Variants in CSMD1 observed in about 807,000 individuals in gnomAD.
The protein encoded by CSMD1 is CUB and sushi domain-containing protein 1.
Under a neutral mutation model 417.5 loss-of-function variants are expected in CSMD1, and 213 were observed. That is an observed-to-expected ratio of 0.51 (90% CI 0.46 to 0.57). The LOEUF is 0.57. CSMD1 is among the 20% of genes least tolerant of loss of function. The probability of loss-of-function intolerance (pLI) is 0.00; values close to 1 mark genes in which losing one functional copy is unlikely to be tolerated. For missense variants in CSMD1, 6,923 were observed against 4,529.7 expected (o/e 1.53, Z -15.17); for synonymous variants, 2,862 against 1,736.8 (o/e 1.65, Z -16.11).
chr8:4,443,508 T>G (rs1259886413), intron 2 of CSMD1, among the ~76,000 whole-genome samples: 2 of 152,194 alleles, frequency 1.3e-5, no homozygotes, highest in Non-Finnish European at 2.9e-5. Context: ...CCACATATAT[T>G]AACACCAGAA....
At chr8:3,695,900 ATCTT>A (rs1441837129) in intron 7 of CSMD1, among the ~76,000 whole-genome samples, 1 of 152,228 alleles carries the variant, frequency 6.6e-6, no homozygotes, top group East Asian at 1.9e-4. Context: ...CTCATTTGAT[ATCTT>A]TCTAATTATT....
chr8:4,765,620 T>C (rs1015378973), intron 1 of CSMD1, among the ~76,000 whole-genome samples: 9 of 152,220 alleles, frequency 5.9e-5, no homozygotes, highest in African/African-American at 1.7e-4. Flanking sequence ...AAAAATTGGA[T>C]GCAAGGCAGA....
chr8:4,387,670 AT>A, intron 3 of CSMD1, among the ~76,000 whole-genome samples: 1 of 152,022 alleles, frequency 6.6e-6, no homozygotes, highest in African/African-American at 2.4e-5. Flanking sequence ...AACTACATCA[AT>A]TAAGGGCTTT....
At chr8:3,881,912 G>C (rs1357487) in intron 5 of CSMD1, among the ~76,000 whole-genome samples, 2,591 of 152,190 alleles carry the variant, frequency 0.017, 66 homozygotes, top group African/African-American at 0.058. Flanking sequence ...TACAGAAAAA[G>C]TTACCTGGAT....
intron 3 of CSMD1, among the ~76,000 whole-genome samples, chr8:4,175,191 A>T (rs184552410): frequency 6.6e-6 from 1 of 152,254 alleles, no homozygotes; most frequent in East Asian, 1.9e-4. Context: ...ATTACTTCTT[A>T]CTGGGGAAAA....
At chr8:4,596,561 A>G (rs1327726287) in intron 2 of CSMD1, among the ~76,000 whole-genome samples, 1 of 152,250 alleles carries the variant, frequency 6.6e-6, no homozygotes, top group East Asian at 1.9e-4. Context: ...CTAAAAAAAA[A>G]ATAATTAATA....
At chr8:3,385,974 A>G (rs73657833) in intron 18 of CSMD1, among the ~76,000 whole-genome samples, 57 of 152,310 alleles carry the variant, frequency 3.7e-4, no homozygotes, top group African/African-American at 1.3e-3. Flanking sequence ...AAGAGGAATT[A>G]AGAATGTACA....
intron 25 of CSMD1, among the ~76,000 whole-genome samples, chr8:3,293,141 G>C (rs1323494662): frequency 9.1e-6 from 1 of 109,298 alleles, no homozygotes; most frequent in Non-Finnish European, 2.4e-5. Context: ...TTTTAAGAAT[G>C]TTGAATATTG....
Position 4,143,261 on chromosome 8 carries a change from T to C in CSMD1, c.416-111162A>G, listed in dbSNP as rs904627042. On this transcript the variant is annotated intron_variant, in intron 3 of 69. Coordinates refer to ENST00000635120, the MANE Select transcript of CSMD1 (RefSeq NM_033225.6). ...TAGGGTTAGCACTATCTTTTTCCAT[T>C]TGTCCTCAAAGAAATTTCTCCTTCA... Among the ~76,000 whole-genome samples the C allele has an allele frequency of 4.0e-5, 6 of 151,136 alleles. No individual in the cohort carries two copies. The East Asian group carries it at 9.6e-4, about 24-fold the overall frequency.
At chr8:4,524,107 A>G (rs932261797) in intron 2 of CSMD1, among the ~76,000 whole-genome samples, 4 of 151,334 alleles carry the variant, frequency 2.6e-5, no homozygotes, top group Non-Finnish European at 5.9e-5. Flanking sequence ...CCAAGAAAAA[A>G]CTCCCCAGGC....
intron 7 of CSMD1, among the ~76,000 whole-genome samples, chr8:3,628,807 C>T (rs187394651): frequency 1.3e-5 from 2 of 152,116 alleles, no homozygotes; most frequent in African/African-American, 2.4e-5. Context: ...GCACACGTGT[C>T]CGAGCCAAGA....
intron 3 of CSMD1, among the ~76,000 whole-genome samples, chr8:4,257,681 C>G (rs1488974501): frequency 6.6e-6 from 1 of 152,158 alleles, no homozygotes; most frequent in Non-Finnish European, 1.5e-5. Context: ...GTGCAGCAGT[C>G]TTAGGTATGG....
chr8:2,974,463 G>C lies in CSMD1; in HGVS notation c.8728C>G (p.Pro2910Ala). 6.2e-7 allele frequency: 1 copy of C among 1,607,164 alleles called. No homozygotes were observed. The highest frequency in any genetic ancestry group is 8.5e-7 in the Non-Finnish European group (1 of 1,175,284). ...QEDSHWSGAL[P>A]HCTGNNPGFC... is the part of the protein sequence containing the mutation. ...GTAAGCCCCTCACCTGTGCAGTGGG[G>C]CAGTGCCCCGCTCCAGTGACTGTCT... The change falls in exon 56 of 70, where the codon CCC becomes GCC. Residue 2910 changes from proline to alanine, a missense_variant. Physicochemically the swap from Pro to Ala is conservative, Grantham distance 27 (BLOSUM62 -1). Transcript: ENST00000635120.
chr8:4,102,010 G>C (rs1329628337), intron 3 of CSMD1, among the ~76,000 whole-genome samples: 1 of 152,152 alleles, frequency 6.6e-6, no homozygotes, highest in Non-Finnish European at 1.5e-5. Context: ...CAATAGCTGA[G>C]GGATTACTGT....
At chr8:4,343,826 C>A (rs1214906867) in intron 3 of CSMD1, among the ~76,000 whole-genome samples, 2 of 152,082 alleles carry the variant, frequency 1.3e-5, no homozygotes, top group African/African-American at 4.8e-5. Context: ...GAGACACTAC[C>A]ACTTCAATTT....
intron 1 of CSMD1, chr8:4,787,392 G>C (rs1465422344): frequency 5.4e-6 from 4 of 737,022 alleles, no homozygotes; most frequent in Non-Finnish European, 9.9e-6. Context: ...AACAAAAGAA[G>C]TCTACGAAAA....
At position 4,064,040 on chromosome 8, in the gene CSMD1, G is replaced by A. The variant is rs1322546051; in HGVS notation, c.416-31941C>T. Among the ~76,000 whole-genome samples, 5 of 152,204 alleles carry A rather than the reference G, an allele frequency of 3.3e-5. No individual in the cohort carries two copies. The East Asian group carries it at 7.7e-4, about 23-fold the overall frequency. On this transcript the variant is annotated intron_variant, in intron 3 of 69. Coordinates refer to ENST00000635120, the MANE Select transcript of CSMD1 (RefSeq NM_033225.6). ...CTCAGATGCTCAACTGACACCAGCT[G>A]AGAGTGAGGGCTCCTGAGAAGTGCG...
chr8:4,851,989 C>G (rs1026828895), intron 1 of CSMD1, among the ~76,000 whole-genome samples: 6 of 152,162 alleles, frequency 3.9e-5, no homozygotes, highest in African/African-American at 1.4e-4. Flanking sequence ...TAGATTTAAT[C>G]TCTCTCTGGA....
At chr8:4,251,486 T>G (rs1803068440) in intron 3 of CSMD1, among the ~76,000 whole-genome samples, 1 of 152,154 alleles carries the variant, frequency 6.6e-6, no homozygotes, top group African/African-American at 2.4e-5. Context: ...GAGCACATAT[T>G]AGAAGACAAA....
Sources: gnomAD v4.1 joint callset for allele counts (sites outside exome capture counted in the v4.1 genomes callset) on GRCh38, gnomAD v4.1.1 for gene constraint, MANE v1.5 for transcripts, NCBI Gene and HGNC (gene_info 2026-07-23, HGNC 2026-07-21) for gene names.